FREM2: variants seen among roughly 807,000 people sequenced by gnomAD.
The protein encoded by FREM2 is FRAS1 related extracellular matrix 2.
FREM2 carries 119 observed loss-of-function variants against 219.9 expected under a neutral mutation model. That is an observed-to-expected ratio of 0.54 (90% CI 0.47 to 0.63). The LOEUF (loss-of-function observed/expected upper bound fraction) is 0.63. Ranked by LOEUF, FREM2 falls within the 30% of genes least tolerant of loss-of-function variation. FREM2 has a pLI of 0.00. For synonymous variants in FREM2, 1,562 were observed against 1,522.8 expected (o/e 1.03, Z -0.60); for missense variants, 4,030 against 3,993.6 (o/e 1.01, Z -0.25).
At chr13:38,856,016 TA>T in intron 11 of FREM2, 109 bp from the exon 12 acceptor site, 1 of 742,380 alleles carries the variant, frequency 1.3e-6, no homozygotes, top group Non-Finnish European at 2.2e-6. Flanking sequence ...GACCACAGTG[TA>T]AAATGTATTT....
chr13:38,875,672 A>G (rs970642085), intron 18 of FREM2, among the ~76,000 whole-genome samples: 1 of 152,242 alleles, frequency 6.6e-6, no homozygotes, highest in African/African-American at 2.4e-5. Flanking sequence ...AAATGCATTC[A>G]CATCACCCTT....
In FREM2 at chr13:38,877,213, G is replaced by C; in HGVS notation, c.8641G>C (p.Gly2881Arg). ...GTTGTCTGATGGATCCATGGGATTC[G>C]GGCAAGAGAGTGATGTTGCTTTTGC... ...LWLSDGSMGFGQESDVAFAEG... is the reference protein window; with the variant it reads ...LWLSDGSMGFRQESDVAFAEG... The change falls in exon 21 of 24, where the codon GGG becomes CGG. Residue 2881 changes from glycine to arginine, a missense_variant. Coordinates refer to ENST00000280481, the MANE Select transcript of FREM2 (RefSeq NM_207361.6). 3 of 1,613,910 alleles carry C rather than the reference G, an allele frequency of 1.9e-6. No individual in the cohort carries two copies. Among genetic ancestry groups the C allele is most frequent in the Non-Finnish European group, 2.5e-6 (3 of 1,179,862 alleles).
At chr13:38,858,127 G>T in intron 13 of FREM2, 94 bp downstream of exon 13, 1 of 1,097,576 alleles carries the variant, frequency 9.1e-7, no homozygotes. Context: ...ATGAAGAAAT[G>T]AAAGTAGAAA....
chr13:38,768,035 T>C (rs1162125766), intron 3 of FREM2, among the ~76,000 whole-genome samples: 1 of 152,224 alleles, frequency 6.6e-6, no homozygotes, highest in East Asian at 1.9e-4. Flanking sequence ...AGTTTTTGTC[T>C]GTTTTGTTCT....
intron 2 of FREM2, among the ~76,000 whole-genome samples, chr13:38,702,263 G>T (rs1593352580): frequency 6.6e-6 from 1 of 151,956 alleles, no homozygotes; most frequent in Admixed American, 6.6e-5. Flanking sequence ...TTAACCACCA[G>T]TTCAGAGCTC....
At chr13:38,795,920 T>G (rs1444428197) in intron 6 of FREM2, among the ~76,000 whole-genome samples, 2 of 152,200 alleles carry the variant, frequency 1.3e-5, no homozygotes, top group Non-Finnish European at 2.9e-5. Context: ...AAAAATGACA[T>G]GATTTCATTC....
intron 2 of FREM2, among the ~76,000 whole-genome samples, chr13:38,704,393 G>C (rs576494742): frequency 1.3e-5 from 2 of 152,210 alleles, no homozygotes; most frequent in African/African-American, 4.8e-5. Context: ...TAGAGACACA[G>C]CTGTCAGGAA....
At position 38,842,695 on chromosome 13, in the gene FREM2, C is replaced by T. The variant is rs77377291; in HGVS notation, c.6020-3878C>T. On this transcript the variant is annotated intron_variant, in intron 6 of 23. Transcript: ENST00000280481. ...ATTTGGCTCCAGATAGCAATTACTA[C>T]TGGCACCTCTTCCTTTCATCTCAGG... Among the ~76,000 whole-genome samples the T allele has an allele frequency of 6.8e-3, 1,041 of 152,302 alleles. 17 individuals carry two copies. The highest frequency in any genetic ancestry group is 0.024 in the African/African-American group (991 of 41,566).
intron 6 of FREM2, among the ~76,000 whole-genome samples, chr13:38,820,217 A>G (rs1269286760): frequency 6.6e-6 from 1 of 152,074 alleles, no homozygotes; most frequent in Non-Finnish European, 1.5e-5. Flanking sequence ...CCCGGTGAAA[A>G]TGGTTGCCTT....
Position 38,692,448 on chromosome 13 carries a change from G to T in FREM2, c.5104G>T (p.Glu1702Ter). 6.2e-7 allele frequency: 1 copy of T among 1,613,948 alleles called. No individual in the cohort carries two copies. The highest frequency in any genetic ancestry group is 8.5e-7 in the Non-Finnish European group (1 of 1,179,970). Residue 1702 changes from glutamate (E) to a stop codon, truncating the protein, a stop_gained, in exon 1 of 24, where the codon GAG becomes TAG. Coordinates refer to ENST00000280481, the MANE Select transcript of FREM2 (RefSeq NM_207361.6). LOFTEE classifies it high-confidence loss of function. ...LHISLRFIVTEAPQHGYLLNL... is the reference protein window; with the variant it reads ...LHISLRFIVT ...CATTTCTCTTAGATTTATCGTGACA[G>T]AGGCCCCTCAACATGGATATCTTCT...
At chr13:38,728,780 A>G (rs1005334808) in intron 2 of FREM2, among the ~76,000 whole-genome samples, 3 of 152,134 alleles carry the variant, frequency 2.0e-5, no homozygotes, top group Non-Finnish European at 4.4e-5. Context: ...TGAAGTAAGA[A>G]TTTCATAGTC....
chr13:38,848,391 T>A, intron 7 of FREM2, 70 bp from the exon 8 acceptor site: 2 of 1,053,760 alleles, frequency 1.9e-6, no homozygotes, highest in Non-Finnish European at 3.0e-6. Flanking sequence ...CACAATTACA[T>A]AATTTATGTC....
intron 2 of FREM2, among the ~76,000 whole-genome samples, chr13:38,728,086 G>A (rs1871603076): frequency 6.6e-6 from 1 of 152,168 alleles, no homozygotes; most frequent in Non-Finnish European, 1.5e-5. Flanking sequence ...AGATCAATGA[G>A]GTTAGTTAAT....
intron 2 of FREM2, among the ~76,000 whole-genome samples, chr13:38,701,968 G>A (rs904261006): frequency 1.8e-4 from 27 of 151,920 alleles, no homozygotes; most frequent in African/African-American, 4.8e-4. Flanking sequence ...AATACTTACC[G>A]AACATTAAAT....
intron 2 of FREM2, among the ~76,000 whole-genome samples, chr13:38,721,194 A>C (rs1473009753): frequency 6.7e-6 from 1 of 150,164 alleles, no homozygotes; most frequent in East Asian, 2.0e-4. Flanking sequence ...GAAATTTTTG[A>C]AAAAGCAATT....
rs1878724816 is a variant in FREM2 at position 38,886,333 on chromosome 13, T to A, written c.*5546T>A. Reference sequence around the variant, plus strand: ...AAATGCAAGTTGTTGGCAAAATATATATATACACACACACACACATACACA... The same window carrying A: ...AAATGCAAGTTGTTGGCAAAATATAAATATACACACACACACACATACACA... On this transcript the variant is annotated 3_prime_UTR_variant, in exon 24 of 24. Transcript: ENST00000280481. 2 of 150,458 alleles carry A rather than the reference T, an allele frequency of 1.3e-5. No homozygotes were observed. The highest frequency in any genetic ancestry group is 4.2e-4 in the South Asian group (2 of 4,814). The allele number at this position is 150,458 out of a possible 1,614,324, so 9.3% of individuals were successfully genotyped here.
At position 38,887,123 on chromosome 13, in the gene FREM2, C is replaced by G. The variant is rs1878758202; in HGVS notation, c.*6336C>G. ...TGTGTAATATAAATAAAGCCCATAT[C>G]AATATAAATGTTCAAATGGCCAAGT... On this transcript the variant is annotated 3_prime_UTR_variant, in exon 24 of 24. Coordinates refer to ENST00000280481, the MANE Select transcript of FREM2 (RefSeq NM_207361.6). 2 of 152,190 alleles carry G rather than the reference C, an allele frequency of 1.3e-5. No homozygotes were observed. Among genetic ancestry groups the G allele is most frequent in the Admixed American group, 1.3e-4 (2 of 15,272 alleles). 9.4% of individuals were successfully genotyped at this position (152,190 alleles called of 1,614,324 possible).
chr13:38,874,962 T>C (rs1878292866), intron 18 of FREM2, among the ~76,000 whole-genome samples: 1 of 152,160 alleles, frequency 6.6e-6, no homozygotes, highest in Non-Finnish European at 1.5e-5. Context: ...TTTTCACAGC[T>C]TTTTGCTAGG....
At chr13:38,706,857 C>T (rs560946454) in intron 2 of FREM2, among the ~76,000 whole-genome samples, 1 of 152,110 alleles carries the variant, frequency 6.6e-6, no homozygotes, top group Admixed American at 6.5e-5. Context: ...ACTTAATCCT[C>T]ATTGCAAATA....
Sources: allele counts gnomAD v4.1 joint callset (sites outside exome capture counted in the v4.1 genomes callset), GRCh38; gene constraint gnomAD v4.1.1; transcripts MANE v1.5; gene names NCBI Gene and HGNC (gene_info 2026-07-23, HGNC 2026-07-21).